The following BLK variants were observed in gnomAD, a reference collection of about 807,000 sequenced individuals.
BLK encodes tyrosine-protein kinase Blk.
A neutral mutation model predicts 61.8 loss-of-function variants in BLK; 64 were observed. The ratio of observed to expected loss-of-function variants is 1.03; its 90% CI spans 0.85 to 1.27. The LOEUF (loss-of-function observed/expected upper bound fraction) is 1.27, where lower values mean the gene tolerates loss of function less well. Ranked by LOEUF, BLK falls within the 50% of genes most tolerant of loss-of-function variation. BLK has a pLI of 0.00. For missense variants in BLK, 853 were observed against 660.5 expected (o/e 1.29, Z -3.19); for synonymous variants, 351 against 272.0 (o/e 1.29, Z -2.86).
chr8:11,507,393 C>T (rs1359306596), intron 1 of BLK, among the ~76,000 whole-genome samples: 3 of 152,214 alleles, frequency 2.0e-5, no homozygotes, highest in Non-Finnish European at 4.4e-5. Flanking sequence ...ATGTAGATGT[C>T]ACTAATGGAT....
intron 11 of BLK, among the ~76,000 whole-genome samples, chr8:11,562,581 C>A (rs1801541221): frequency 6.6e-6 from 1 of 152,220 alleles, no homozygotes; most frequent in Admixed American, 6.5e-5. Flanking sequence ...CAGGAAGGGA[C>A]TAACGGAGGC....
chr8:11,533,046 C>T (rs757293503), intron 1 of BLK, among the ~76,000 whole-genome samples: 2 of 152,176 alleles, frequency 1.3e-5, no homozygotes, highest in Admixed American at 6.5e-5. Flanking sequence ...CAGTAAAATG[C>T]CCAGCCTTGA....
intron 2 of BLK, among the ~76,000 whole-genome samples, chr8:11,543,803 C>T (rs1800497707): frequency 6.6e-6 from 1 of 152,040 alleles, no homozygotes; most frequent in Non-Finnish European, 1.5e-5. Context: ...TCCTGGAATC[C>T]CATGGGCATT....
In BLK at chr8:11,546,099, T is replaced by G. The variant is rs1800627122; in HGVS notation, c.171T>G (p.Asp57Glu). The change falls in exon 3 of 13, where the codon GAT becomes GAG. Residue 57 changes from aspartate (D) to glutamate (E), a missense_variant. By Grantham distance (45) the Asp-to-Glu change is conservative (BLOSUM62 2). Transcript: ENST00000259089. ...LTPPPPDEHL[D>E]EDKHFVVALY... ...CTCCACCGCCCGATGAACACCTGGA[T>G]GAAGGTAAGAAGGGTGGTTTGGGAA... 6.2e-7 allele frequency: 1 copy of G among 1,614,148 alleles called. No individual in the cohort carries two copies. The highest frequency in any genetic ancestry group is 8.5e-7 in the Non-Finnish European group (1 of 1,180,022).
chr8:11,517,343 C>T (rs148670896), intron 1 of BLK, among the ~76,000 whole-genome samples: 135 of 152,288 alleles, frequency 8.9e-4, no homozygotes, highest in Middle Eastern at 3.4e-3. Flanking sequence ...CCATTCACAG[C>T]GATGGAAATT....
At chr8:11,543,039 A>T (rs554503542) in intron 1 of BLK, among the ~76,000 whole-genome samples, 185 bp from the exon 2 acceptor site, 1 of 152,220 alleles carries the variant, frequency 6.6e-6, no homozygotes, top group South Asian at 2.1e-4. Context: ...CCCCCGAAAA[A>T]AGATGGACAC....
intron 1 of BLK, among the ~76,000 whole-genome samples, chr8:11,529,387 T>C (rs1041470245): frequency 6.6e-6 from 1 of 151,992 alleles, no homozygotes; most frequent in African/African-American, 2.4e-5. Context: ...GGGTCAGAGA[T>C]GAAATCACAG....
intron 1 of BLK, among the ~76,000 whole-genome samples, chr8:11,512,523 A>C (rs1482909039): frequency 6.6e-6 from 1 of 152,222 alleles, no homozygotes; most frequent in Admixed American, 6.5e-5. Flanking sequence ...TGTTTTACAA[A>C]TTATTTTAGT....
At chr8:11,544,874 C>A (rs768174402) in intron 2 of BLK, among the ~76,000 whole-genome samples, 1 of 152,154 alleles carries the variant, frequency 6.6e-6, no homozygotes, top group African/African-American at 2.4e-5. Context: ...CACCAAAACG[C>A]ACACTTGTAT....
chr8:11,535,716 G>T (rs1401217245), intron 1 of BLK, among the ~76,000 whole-genome samples: 1 of 152,236 alleles, frequency 6.6e-6, no homozygotes, highest in Non-Finnish European at 1.5e-5. Context: ...TCACTAAAAT[G>T]GTGCAGGTAA....
chr8:11,550,044 C>G (rs1262197939), intron 5 of BLK, 115 bp from the exon 6 acceptor site: 2 of 958,524 alleles, frequency 2.1e-6, no homozygotes, highest in Non-Finnish European at 3.3e-6. Flanking sequence ...CCGACTGGGA[C>G]CAGAAATGCT....
intron 1 of BLK, among the ~76,000 whole-genome samples, chr8:11,494,879 T>A: frequency 6.6e-6 from 1 of 152,156 alleles, no homozygotes; most frequent in African/African-American, 2.4e-5. Context: ...ACGTGGGATG[T>A]AGAGAGGGGG....
chr8:11,549,155 G>C lies in BLK; in HGVS notation c.368+33G>C, dbSNP rs370015652. 12 of 1,551,130 alleles carry C rather than the reference G, an allele frequency of 7.7e-6. No individual in the cohort carries two copies. The African/African-American group carries it at 1.2e-4, about 16-fold the overall frequency. ...GGCACGGGAACCCCCCTCGAGCCAA[G>C]ATGCAGTCACTGTTTCTGCTCCCTG... On this transcript the variant is annotated intron_variant, in intron 5 of 12. Coordinates refer to ENST00000259089, the MANE Select transcript of BLK (RefSeq NM_001715.3).
chr8:11,527,487 T>C (rs756155167), intron 1 of BLK, among the ~76,000 whole-genome samples: 3 of 151,622 alleles, frequency 2.0e-5, no homozygotes, highest in Non-Finnish European at 4.4e-5. Flanking sequence ...TTTTTTTTTT[T>C]AGTGGGGAAG....
intron 1 of BLK, among the ~76,000 whole-genome samples, chr8:11,513,700 T>C (rs1004007856): frequency 2.2e-4 from 34 of 152,316 alleles, no homozygotes; most frequent in African/African-American, 8.2e-4. Flanking sequence ...CTTTGAGGCA[T>C]TGCATTCCCA....
intron 1 of BLK, among the ~76,000 whole-genome samples, chr8:11,539,371 G>A (rs979372901): frequency 6.6e-6 from 1 of 152,156 alleles, no homozygotes; most frequent in Non-Finnish European, 1.5e-5. Context: ...TTGTATGAGA[G>A]ATTTATAGAG....
intron 7 of BLK, among the ~76,000 whole-genome samples, 200 bp from the exon 8 acceptor site, chr8:11,555,132 G>A (rs1477955746): frequency 6.6e-6 from 1 of 152,160 alleles, no homozygotes; most frequent in East Asian, 1.9e-4. Flanking sequence ...TGAGCAGGTC[G>A]ATTTTAGAGA....
At chr8:11,559,356 TACAC>T (rs1479052858) in intron 10 of BLK, among the ~76,000 whole-genome samples, 2 of 149,350 alleles carry the variant, frequency 1.3e-5, no homozygotes, top group African/African-American at 2.5e-5. Context: ...CACAAACACA[TACAC>T]AGACTCACAC....
chr8:11,561,579 C>G, intron 11 of BLK, 127 bp downstream of exon 11: 1 of 1,261,874 alleles, frequency 7.9e-7, no homozygotes, highest in Non-Finnish European at 1.1e-6. Flanking sequence ...GTTTCTACAG[C>G]TCTAGATCAG....
Sources: allele counts gnomAD v4.1 joint callset (sites outside exome capture counted in the v4.1 genomes callset), GRCh38; gene constraint gnomAD v4.1.1; transcripts MANE v1.5; gene names NCBI Gene and HGNC (gene_info 2026-07-23, HGNC 2026-07-21).